The following ACTL6B variants were observed in gnomAD, a reference collection of about 807,000 sequenced individuals.
ACTL6B encodes actin-like protein 6B.
ACTL6B carries 48 observed loss-of-function variants against 63.3 expected under a neutral mutation model. The ratio of observed to expected loss-of-function variants is 0.76; its 90% confidence interval spans 0.60 to 0.96. The LOEUF (loss-of-function observed/expected upper bound fraction) is 0.96. ACTL6B is among the 50% of genes least tolerant of loss of function. The pLI is 0.00. For synonymous variants in ACTL6B, 230 were observed against 223.8 expected, an observed-to-expected ratio of 1.03 and a Z score of -0.25; for missense variants, 350 against 572.2, an observed-to-expected ratio of 0.61 and a Z score of 3.96.
In ACTL6B at chr7:100,648,022, C is replaced by T. The variant is rs1000948770; in HGVS notation, c.670-489G>A. Among the ~76,000 whole-genome samples, 2 of 150,126 alleles carry T rather than the reference C, an allele frequency of 1.3e-5. No homozygotes were observed. The highest frequency in any genetic ancestry group is 4.9e-5 in the African/African-American group (2 of 40,620). On this transcript the variant is annotated intron_variant, in intron 7 of 13. Coordinates refer to ENST00000160382, the MANE Select transcript of ACTL6B (RefSeq NM_016188.5). The surrounding 1 kb of genome is among the most constrained non-coding windows in gnomAD (Gnocchi z 4.4). Reference sequence around the variant, plus strand: ...TCGCCCAGGCTGGAGTGCAGTGGCGCGATCTCGGCTCACTGCAACCTCTGC... The same window carrying T: ...TCGCCCAGGCTGGAGTGCAGTGGCGTGATCTCGGCTCACTGCAACCTCTGC...
In ACTL6B at chr7:100,655,691, A is replaced by G. The variant is rs1718240360; in HGVS notation, c.103-105T>C. The G allele has an allele frequency of 2.2e-5, 33 of 1,512,818 alleles. No individual in the cohort carries two copies. The South Asian group carries it at 2.5e-4, about 12-fold the overall frequency. 93.7% of individuals were successfully genotyped at this position (1,512,818 alleles called of 1,614,324 possible). A position where few individuals can be genotyped will look rare whatever the true frequency, so the allele number is the denominator to read the frequency against. On this transcript the variant is annotated intron_variant, in intron 2 of 13. Transcript: ENST00000160382. The surrounding 1 kb of genome is among the most constrained non-coding windows in gnomAD (Gnocchi z 4.4). ...TCAGACCGCCCCTGGGTTTATTCCC[A>G]TATTCCCGCTCAGCAGAGCTTCTGG...
At position 100,646,223 on chromosome 7, in the gene ACTL6B, G is replaced by A. The variant is rs769742627; in HGVS notation, c.1200+26C>T. 1.9e-5 allele frequency: 30 copies of A among 1,604,190 alleles called. No individual in the cohort carries two copies. The highest frequency in any genetic ancestry group is 2.3e-5 in the Non-Finnish European group (27 of 1,173,188). On this transcript the variant is annotated intron_variant, in intron 13 of 13. Transcript: ENST00000160382. The surrounding 1 kb of genome is among the most constrained non-coding windows in gnomAD (Gnocchi z 6.1). ...GTCTCCCCTCTCCCCCACAGTCAGT[G>A]CTAGGCCAGGTCCCTTTCCTCTCAC...
intron 13 of ACTL6B, 42 bp from the exon 14 acceptor site, chr7:100,643,368 G>A: frequency 6.2e-7 from 1 of 1,605,832 alleles, no homozygotes. Context: ...TGGCCTTGGA[G>A]GGAGGTGTGG....
intron 5 of ACTL6B, among the ~76,000 whole-genome samples, chr7:100,649,274 G>A (rs1803885602): frequency 6.7e-6 from 1 of 149,956 alleles, no homozygotes; most frequent in South Asian, 2.1e-4. Context: ...TTACAGGCAT[G>A]AGCCACCACA....
chr7:100,643,198 AG>A lies in ACTL6B; in HGVS notation c.*47del. ...GGGGGGCAATGTGGCATGGGGGTTA[AG>A]GGACTTCCATCTGAGCTTGGGAGCA... On this transcript the variant is annotated 3_prime_UTR_variant, in exon 14 of 14. Transcript: ENST00000160382. 1 of 1,581,076 alleles carries A rather than the reference AG, an allele frequency of 6.3e-7. No homozygotes were observed. Among genetic ancestry groups the A allele is most frequent in the Non-Finnish European group, 8.7e-7 (1 of 1,150,600 alleles).
chr7:100,648,029 G>A lies in ACTL6B; in HGVS notation c.670-496C>T, dbSNP rs572512252. The stretch of plus-strand genomic sequence containing the variant: ...GGCTGGAGTGCAGTGGCGCGATCTC[G>A]GCTCACTGCAACCTCTGCCTCCGGG... On this transcript the variant is annotated intron_variant, in intron 7 of 13. Coordinates refer to ENST00000160382, the MANE Select transcript of ACTL6B (RefSeq NM_016188.5). The surrounding 1 kb of genome is among the most constrained non-coding windows in gnomAD (Gnocchi z 4.4). Among the ~76,000 whole-genome samples the A allele has an allele frequency of 1.3e-5, 2 of 149,838 alleles. No individual in the cohort carries two copies. Among genetic ancestry groups the A allele is most frequent in the South Asian group, 2.1e-4 (1 of 4,746 alleles).
At position 100,648,934 on chromosome 7, in the gene ACTL6B, G is replaced by T; in HGVS notation, c.468-111C>A. The T allele has an allele frequency of 1.0e-6, 1 of 1,001,186 alleles. No individual in the cohort carries two copies. Among genetic ancestry groups the T allele is most frequent in the Non-Finnish European group, 1.4e-6 (1 of 701,512 alleles). The allele number at this position is 1,001,186 out of a possible 1,614,324, so 62.0% of individuals were successfully genotyped here. On this transcript the variant is annotated intron_variant, in intron 5 of 13. Transcript: ENST00000160382. The surrounding 1 kb of genome is among the most constrained non-coding windows in gnomAD (Gnocchi z 4.4). ...CCGGGGTCCAGCCCATCCCCAGTCT[G>T]CAAATCTCTCCCCCTGGTGATGACT... is the stretch of plus-strand genomic sequence containing the variant.
rs945368672 is a variant in ACTL6B, at chr7:100,647,712, C to G, written c.670-179G>C. ...GAGAGAGAATGGGGCATGCCTCTCT[C>G]TCCATGTGTGCCTTTCATGCGGTGG... is the stretch of plus-strand genomic sequence containing the variant. On this transcript the variant is annotated intron_variant, in intron 7 of 13. Coordinates refer to ENST00000160382, the MANE Select transcript of ACTL6B (RefSeq NM_016188.5). The surrounding 1 kb of genome is among the most constrained non-coding windows in gnomAD (Gnocchi z 4.4). 1.8e-6 allele frequency: 1 copy of G among 567,992 alleles called. No individual in the cohort carries two copies. Among genetic ancestry groups the G allele is most frequent in the African/African-American group, 1.9e-5 (1 of 53,520 alleles). The allele number at this position is 567,992 out of a possible 1,614,324, so 35.2% of individuals were successfully genotyped here. A position where few individuals can be genotyped will look rare whatever the true frequency, so the allele number is the denominator to read the frequency against.
In ACTL6B at chr7:100,655,737, G is replaced by A. The variant is rs544414599; in HGVS notation, c.102+66C>T. 31 of 1,532,550 alleles carry A rather than the reference G, an allele frequency of 2.0e-5. No homozygotes were observed. The highest frequency in any genetic ancestry group is 2.6e-5 in the Non-Finnish European group (30 of 1,135,692). The allele number at this position is 1,532,550 out of a possible 1,614,324, so 94.9% of individuals were successfully genotyped here. A position where few individuals can be genotyped will look rare whatever the true frequency, so the allele number is the denominator to read the frequency against. On this transcript the variant is annotated intron_variant, in intron 2 of 13. Coordinates refer to ENST00000160382, the MANE Select transcript of ACTL6B (RefSeq NM_016188.5). The surrounding 1 kb of genome is among the most constrained non-coding windows in gnomAD (Gnocchi z 4.4). ...TCTGGGCGATCTGGGAGAGCCCTGG[G>A]TCACTGGAAAGCCTGAAGAAGGGTC...
In ACTL6B at chr7:100,647,228, A is replaced by G. The variant is rs1433537382; in HGVS notation, c.816T>C (p.Asp272=). 2 of 1,608,298 alleles carry G rather than the reference A, an allele frequency of 1.2e-6. No individual in the cohort carries two copies. The highest frequency in any genetic ancestry group is 2.2e-5 in the East Asian group (1 of 44,700). Residue 272 remains aspartate (D), a synonymous_variant, in exon 9 of 14, where the codon GAT becomes GAC. Transcript: ENST00000160382. This position sits in a 1 kb window ranked among gnomAD's most constrained non-coding sequence, Gnocchi z 4.4. ...SVLQVSDSPY[D]EQVAAQMPTV... is the part of the protein sequence containing the mutation. Reference sequence around the variant, plus strand: ...AAGCCCTGAGCCACACTCACTGTTCATCGTAGGGGGAGTCTGAGACCTGCA... The same window carrying G: ...AAGCCCTGAGCCACACTCACTGTTCGTCGTAGGGGGAGTCTGAGACCTGCA...
At position 100,646,116 on chromosome 7, in the gene ACTL6B, T is replaced by A. The variant is rs1483470566; in HGVS notation, c.1200+133A>T. The A allele has an allele frequency of 1.1e-6, 1 of 881,336 alleles. No homozygotes were observed. Among genetic ancestry groups the A allele is most frequent in the African/African-American group, 1.7e-5 (1 of 60,170 alleles). 54.6% of individuals were successfully genotyped at this position (881,336 alleles called of 1,614,324 possible). Reference sequence around the variant, plus strand: ...CTGTTCACCCTTCTGGGAACATTCATTGACTGACATTTCTCAAAACTAAAT... The same window carrying A: ...CTGTTCACCCTTCTGGGAACATTCAATGACTGACATTTCTCAAAACTAAAT... On this transcript the variant is annotated intron_variant, in intron 13 of 13. Coordinates refer to ENST00000160382, the MANE Select transcript of ACTL6B (RefSeq NM_016188.5). The surrounding 1 kb of genome is among the most constrained non-coding windows in gnomAD (Gnocchi z 6.1).
rs114172512 is a variant in ACTL6B, at chr7:100,644,366, C to T, written c.1201-1040G>A. On this transcript the variant is annotated intron_variant, in intron 13 of 13. Coordinates refer to ENST00000160382, the MANE Select transcript of ACTL6B (RefSeq NM_016188.5). ...ATCTTTCTCAGCCTACACACATGTGCTGTCCAATGCAGTGGCCACTAGCTT... is the reference window on the plus strand; with the variant it reads ...ATCTTTCTCAGCCTACACACATGTGTTGTCCAATGCAGTGGCCACTAGCTT... Among the ~76,000 whole-genome samples the T allele has an allele frequency of 6.0e-3, 911 of 152,296 alleles. 10 individuals are homozygous for T. The highest frequency in any genetic ancestry group is 0.02 in the African/African-American group (842 of 41,558).
chr7:100,651,003 C>T (rs1399923499), intron 4 of ACTL6B, among the ~76,000 whole-genome samples: 2 of 152,000 alleles, frequency 1.3e-5, no homozygotes, highest in Non-Finnish European at 2.9e-5. Flanking sequence ...GAAAATACAC[C>T]ACACTGAGGA....
Position 100,655,352 on chromosome 7 carries a change from C to T in ACTL6B, c.268+69G>A. On this transcript the variant is annotated intron_variant, in intron 3 of 13. Coordinates refer to ENST00000160382, the MANE Select transcript of ACTL6B (RefSeq NM_016188.5). The surrounding 1 kb of genome is among the most constrained non-coding windows in gnomAD (Gnocchi z 4.4). ...AGGAAGACTCCGCGGGGAGTGGGGG[C>T]TGCTATGACCCAGATTGTGGGGAGC... 1 of 1,529,828 alleles carries T rather than the reference C, an allele frequency of 6.5e-7. No individual in the cohort carries two copies. Among genetic ancestry groups the T allele is most frequent in the Admixed American group, 1.9e-5 (1 of 52,940 alleles). 94.8% of individuals were successfully genotyped at this position (1,529,828 alleles called of 1,614,324 possible). A position where few individuals can be genotyped will look rare whatever the true frequency, so the allele number is the denominator to read the frequency against.
intron 5 of ACTL6B, 44 bp downstream of exon 5, chr7:100,649,994 C>A: frequency 1.3e-6 from 2 of 1,581,460 alleles, no homozygotes; most frequent in Non-Finnish European, 1.7e-6. Context: ...ACAGGCCCCA[C>A]CCCAGCCCTC....
chr7:100,652,254 C>T (rs573327261), intron 4 of ACTL6B, among the ~76,000 whole-genome samples: 5 of 151,898 alleles, frequency 3.3e-5, no homozygotes, highest in Admixed American at 6.6e-5. Context: ...AAAAATTAGC[C>T]GGGCGTGGTG....
At chr7:100,643,875 A>T (rs934677280) in intron 13 of ACTL6B, among the ~76,000 whole-genome samples, 12 of 152,022 alleles carry the variant, frequency 7.9e-5, no homozygotes, top group African/African-American at 2.2e-4. Context: ...CTATTTTTTT[A>T]AAATTTTAAT....
In ACTL6B at chr7:100,648,892, G is replaced by T; in HGVS notation, c.468-69C>A. ...AGGGGCCTGGGCCCAGATCTTGTCT[G>T]GTCACTCTCTGCTCTACCGGGGTCC... On this transcript the variant is annotated intron_variant, in intron 5 of 13. Transcript: ENST00000160382. The surrounding 1 kb of genome is among the most constrained non-coding windows in gnomAD (Gnocchi z 4.4). 6.8e-7 allele frequency: 1 copy of T among 1,476,608 alleles called. No individual in the cohort carries two copies. The highest frequency in any genetic ancestry group is 9.2e-7 in the Non-Finnish European group (1 of 1,089,718). 91.5% of individuals were successfully genotyped at this position (1,476,608 alleles called of 1,614,324 possible).
intron 4 of ACTL6B, among the ~76,000 whole-genome samples, chr7:100,651,277 G>A (rs542570386): frequency 3.3e-5 from 5 of 152,062 alleles, no homozygotes; most frequent in East Asian, 1.9e-4. Context: ...GATGCTGGGC[G>A]CGGTGGCTCA....
Sources: allele counts gnomAD v4.1 joint callset (sites outside exome capture counted in the v4.1 genomes callset), GRCh38; gene constraint gnomAD v4.1.1; non-coding constraint Gnocchi (gnomAD v3.1); transcripts MANE v1.5; gene names NCBI Gene and HGNC (gene_info 2026-07-23, HGNC 2026-07-21).